The following WNT7B variants were observed in gnomAD, a reference collection of about 807,000 sequenced individuals.
WNT7B encodes the protein Wnt family member 7B.
A neutral mutation model predicts 38.2 loss-of-function variants in WNT7B; 19 were observed. That is an observed-to-expected ratio of 0.50 (90% CI 0.35 to 0.73). WNT7B has a LOEUF of 0.73. Ranked by LOEUF, WNT7B falls within the 30% of genes least tolerant of loss-of-function variation. The pLI, the probability that WNT7B is intolerant of heterozygous loss-of-function variation, is 0.01. For synonymous variants in WNT7B, 243 were observed against 209.3 expected (o/e 1.16, Z -1.39); for missense variants, 423 against 507.9 (o/e 0.83, Z 1.61).
Position 45,959,375 on chromosome 22 carries a change from G to A in WNT7B, c.72-9229C>T, listed in dbSNP as rs370016179. On this transcript the variant is annotated intron_variant, in intron 1 of 3. Coordinates refer to ENST00000339464, the MANE Select transcript of WNT7B (RefSeq NM_058238.3). Reference sequence around the variant, plus strand: ...CCCACGGTCCACGTCAGGGCCCTGCGTTTAAAACTGGGGGATGGGGTGGTG... The same window carrying A: ...CCCACGGTCCACGTCAGGGCCCTGCATTTAAAACTGGGGGATGGGGTGGTG... 1.2e-4 allele frequency among the ~76,000 whole-genome samples: 19 copies of A among 152,274 alleles called. No homozygotes were observed. In the East Asian group the frequency reaches 2.5e-3, roughly 20 times the overall value.
chr22:45,950,781 G>A (rs530233351), intron 1 of WNT7B, among the ~76,000 whole-genome samples: 2 of 152,368 alleles, frequency 1.3e-5, no homozygotes, highest in South Asian at 2.1e-4. Flanking sequence ...AGGCTCAGAC[G>A]ACCACAGGGA....
At chr22:45,930,451 C>T (rs182604615) in intron 3 of WNT7B, among the ~76,000 whole-genome samples, 47 of 152,336 alleles carry the variant, frequency 3.1e-4, no homozygotes, top group Middle Eastern at 3.4e-3. Context: ...GCCATCTTGC[C>T]GCCGTGCAGC....
intron 1 of WNT7B, among the ~76,000 whole-genome samples, chr22:45,955,715 T>C (rs1364091846): frequency 2.0e-5 from 3 of 152,092 alleles, no homozygotes; most frequent in South Asian, 2.1e-4. Flanking sequence ...GATGGGCAGG[T>C]TGCAAGTCTG....
chr22:45,926,944 G>A lies in WNT7B; in HGVS notation c.571-3609C>T, dbSNP rs1049903992. The A allele has an allele frequency of 4.1e-6, 4 of 985,354 alleles. No homozygotes were observed. The Admixed American group carries it at 1.8e-4, about 45-fold the overall frequency. 61.0% of individuals were successfully genotyped at this position (985,354 alleles called of 1,614,324 possible). On this transcript the variant is annotated intron_variant, in intron 3 of 3. Transcript: ENST00000339464. Reference sequence around the variant, plus strand: ...GGACCCTCAGTCAGGGAAGGGCTGTGCCAAGACGTGGGACATGGCCAGCTA... The same window carrying A: ...GGACCCTCAGTCAGGGAAGGGCTGTACCAAGACGTGGGACATGGCCAGCTA...
At chr22:45,945,358 T>G (rs1404777254) in intron 2 of WNT7B, among the ~76,000 whole-genome samples, 1 of 152,198 alleles carries the variant, frequency 6.6e-6, no homozygotes, top group African/African-American at 2.4e-5. Context: ...GAATTACAAG[T>G]GTGAGCCACC....
chr22:45,934,299 A>T (rs1257339630), intron 2 of WNT7B, among the ~76,000 whole-genome samples: 2 of 151,892 alleles, frequency 1.3e-5, no homozygotes, highest in Non-Finnish European at 2.9e-5. Flanking sequence ...GGGCAGGAGG[A>T]GAGGGGGGAT....
chr22:45,974,319 A>C (rs115369792), intron 1 of WNT7B, among the ~76,000 whole-genome samples: 2 of 152,096 alleles, frequency 1.3e-5, no homozygotes, highest in Non-Finnish European at 2.9e-5. Context: ...AGACTCCCCA[A>C]CCTCCTCCTT....
chr22:45,934,460 A>G (rs2146717215), intron 2 of WNT7B, among the ~76,000 whole-genome samples: 1 of 152,272 alleles, frequency 6.6e-6, no homozygotes, highest in South Asian at 2.1e-4. Context: ...GAGGGGGTCT[A>G]GGAACCCCAA....
At chr22:45,938,322 G>A (rs1931561113) in intron 2 of WNT7B, among the ~76,000 whole-genome samples, 1 of 152,150 alleles carries the variant, frequency 6.6e-6, no homozygotes, top group Admixed American at 6.5e-5. Context: ...GGTGTTGGAG[G>A]ATAAAGAAAG....
intron 1 of WNT7B, among the ~76,000 whole-genome samples, chr22:45,971,981 C>A (rs1253758900): frequency 2.6e-5 from 4 of 152,210 alleles, no homozygotes; most frequent in Non-Finnish European, 4.4e-5. Flanking sequence ...AAGTGCTCCA[C>A]CTCGGCAGCT....
chr22:45,958,806 G>A lies in WNT7B; in HGVS notation c.72-8660C>T, dbSNP rs1156727701. 2.0e-5 allele frequency among the ~76,000 whole-genome samples: 3 copies of A among 152,184 alleles called. No individual in the cohort carries two copies. The East Asian group carries it at 5.8e-4, about 29-fold the overall frequency. On this transcript the variant is annotated intron_variant, in intron 1 of 3. Coordinates refer to ENST00000339464, the MANE Select transcript of WNT7B (RefSeq NM_058238.3). ...GCGGGGGCAGGATGGGCAGAGTATG[G>A]TCACTTGTCCTCCTGGAGAGCCACC...
At chr22:45,973,804 G>A (rs1405950805) in intron 1 of WNT7B, among the ~76,000 whole-genome samples, 1 of 152,222 alleles carries the variant, frequency 6.6e-6, no homozygotes, top group Middle Eastern at 3.2e-3. Flanking sequence ...TCTGGTTCCA[G>A]CTGGTACTGG....
intron 1 of WNT7B, among the ~76,000 whole-genome samples, chr22:45,950,917 G>T (rs1931917675): frequency 1.3e-5 from 2 of 152,194 alleles, no homozygotes; most frequent in Non-Finnish European, 1.5e-5. Flanking sequence ...GCTTGGCAGG[G>T]GCCTTATTGC....
At chr22:45,931,400 ACCCCAGG>A (rs765220968) in intron 2 of WNT7B, 31 bp from the exon 3 acceptor site, 7 of 1,551,064 alleles carry the variant, frequency 4.5e-6, no homozygotes, top group East Asian at 2.3e-5. Flanking sequence ...AGAAGGTGAG[ACCCCAGG>A]CCCTGGGCCA....
At chr22:45,930,355 C>T (rs907766020) in intron 3 of WNT7B, among the ~76,000 whole-genome samples, 9 of 152,248 alleles carry the variant, frequency 5.9e-5, no homozygotes, top group African/African-American at 2.2e-4. Flanking sequence ...GAGAAGCCCC[C>T]TAGGCTCTGC....
chr22:45,975,584 G>C lies in WNT7B; in HGVS notation c.71+1100C>G. 1.4e-6 allele frequency: 1 copy of C among 716,852 alleles called. No homozygotes were observed. The highest frequency in any genetic ancestry group is 2.6e-6 in the Non-Finnish European group (1 of 384,680). 44.4% of individuals were successfully genotyped at this position (716,852 alleles called of 1,614,324 possible). ...GGCAGACATGGGATGGAGGGTGATG[G>C]AGAGACGATTCCCAGCGCCTGCTTC... On this transcript the variant is annotated intron_variant, in intron 1 of 3. Coordinates refer to ENST00000339464, the MANE Select transcript of WNT7B (RefSeq NM_058238.3). The surrounding 1 kb of genome is among the most constrained non-coding windows in gnomAD (Gnocchi z 6.6).
intron 3 of WNT7B, chr22:45,927,007 A>AC (rs1931105821): frequency 1.0e-6 from 1 of 985,268 alleles, no homozygotes; most frequent in Non-Finnish European, 1.2e-6. Context: ...AGCTGGTGGA[A>AC]CTCCACAGCG....
intron 3 of WNT7B, among the ~76,000 whole-genome samples, chr22:45,929,071 C>A (rs113245422): frequency 4.9e-4 from 74 of 152,182 alleles, no homozygotes; most frequent in African/African-American, 1.7e-3. Context: ...GTTTCTTCCC[C>A]GGGGGTGTGG....
At chr22:45,931,734 G>C (rs1465605913) in intron 2 of WNT7B, among the ~76,000 whole-genome samples, 1 of 152,196 alleles carries the variant, frequency 6.6e-6, no homozygotes, top group Non-Finnish European at 1.5e-5. Flanking sequence ...AGAGTGACTG[G>C]TGGGGACCTG....
Sources: allele counts gnomAD v4.1 joint callset (sites outside exome capture counted in the v4.1 genomes callset), GRCh38; gene constraint gnomAD v4.1.1; non-coding constraint Gnocchi (gnomAD v3.1); transcripts MANE v1.5; gene names NCBI Gene and HGNC (gene_info 2026-07-23, HGNC 2026-07-21).